PREX2: variants seen among roughly 807,000 people sequenced by gnomAD.
The protein encoded by PREX2 is phosphatidylinositol-3,4,5-trisphosphate dependent Rac exchange factor 2, also known as phosphatidylinositol 3,4,5-trisphosphate-dependent Rac exchanger 2 protein.
In PREX2, 107 loss-of-function variants were observed where a neutral mutation model predicts 203.2. That is an observed-to-expected ratio of 0.53 (90% CI 0.45 to 0.62). The LOEUF (loss-of-function observed/expected upper bound fraction) is 0.62. Among genes scored for constraint, PREX2 ranks in the 20% least tolerant of loss-of-function variants. The pLI, the probability that PREX2 is intolerant of heterozygous loss-of-function variation, is 0.00. For missense variants in PREX2, 1,777 were observed against 1,955.9 expected (o/e 0.91, Z 1.72); for synonymous variants, 672 against 663.6 (o/e 1.01, Z -0.19).
intron 3 of PREX2, among the ~76,000 whole-genome samples, chr8:68,021,286 A>G (rs2129610264): frequency 6.6e-6 from 1 of 152,290 alleles, no homozygotes; most frequent in Middle Eastern, 3.4e-3. Flanking sequence ...GACATCACCT[A>G]AAGATCCTAG....
intron 39 of PREX2, among the ~76,000 whole-genome samples, chr8:68,229,943 G>A (rs1813133735): frequency 6.6e-6 from 1 of 152,178 alleles, no homozygotes; most frequent in Admixed American, 6.5e-5. Flanking sequence ...AGTACATCGG[G>A]TCAATTGAAT....
intron 1 of PREX2, among the ~76,000 whole-genome samples, chr8:67,977,243 A>G (rs1806136689): frequency 1.3e-5 from 2 of 152,192 alleles, no homozygotes. Flanking sequence ...AAATCATCAG[A>G]AGAGGGTCCT....
chr8:68,112,470 T>C (rs567432436), intron 25 of PREX2, among the ~76,000 whole-genome samples: 26 of 152,070 alleles, frequency 1.7e-4, no homozygotes, highest in African/African-American at 6.3e-4. Flanking sequence ...AGACAGTTAG[T>C]AACCCGGGGG....
chr8:67,986,446 A>G (rs547284016), intron 1 of PREX2, among the ~76,000 whole-genome samples: 5 of 152,202 alleles, frequency 3.3e-5, no homozygotes, highest in African/African-American at 4.8e-5. Context: ...CATCCTGTCT[A>G]CAGGCATCCT....
chr8:68,047,469 T>TTATA lies in PREX2; in HGVS notation c.943+2914_943+2917dup, dbSNP rs3056653. ...GTTATAAATAATAAAATGGATGAAT[T>TTATA]TATATATATATATATATATATATAT... On this transcript the variant is annotated intron_variant, in intron 8 of 39. Transcript: ENST00000288368. 1.9e-3 allele frequency among the ~76,000 whole-genome samples: 229 copies of TTATA among 117,566 alleles called. 1 individual carries two copies. Among genetic ancestry groups the TTATA allele is most frequent in the East Asian group, 2.5e-3 (10 of 4,058 alleles). The allele number at this position is 117,566 out of a possible 152,430, so 77.1% of individuals were successfully genotyped here.
Position 68,157,467 on chromosome 8 carries a change from G to A in PREX2, c.4346+31G>A, listed in dbSNP as rs746045017. 1.5e-5 allele frequency: 18 copies of A among 1,163,758 alleles called. No homozygotes were observed. In the Admixed American group the frequency reaches 2.3e-4, roughly 15 times the overall value. 72.1% of individuals were successfully genotyped at this position (1,163,758 alleles called of 1,614,324 possible). On this transcript the variant is annotated intron_variant, in intron 35 of 39. Coordinates refer to ENST00000288368, the MANE Select transcript of PREX2 (RefSeq NM_024870.4). ...TAACAATCCAACTGAAAAATAATGA[G>A]TGTCTATATTTTGATAGAAATGTAT...
Position 68,059,214 on chromosome 8 carries a change from T to C in PREX2, c.1239-1465T>C, listed in dbSNP as rs1312073865. ...TATATAAAAGTTCAAATGTTAGACT[T>C]TTAAAACATGAGCAATATAATATTT... On this transcript the variant is annotated intron_variant, in intron 10 of 39. Transcript: ENST00000288368. Among the ~76,000 whole-genome samples, 16 of 152,236 alleles carry C rather than the reference T, an allele frequency of 1.1e-4. 1 individual carries two copies. The highest frequency in any genetic ancestry group is 1.0e-3 in the Admixed American group (16 of 15,286).
intron 39 of PREX2, among the ~76,000 whole-genome samples, chr8:68,225,703 G>GTGC (rs1230567068): frequency 2.6e-5 from 4 of 152,180 alleles, no homozygotes; most frequent in Non-Finnish European, 4.4e-5. Context: ...CTTATTTTTA[G>GTGC]TGCTGACTCC....
chr8:68,061,570 G>A (rs1450594789), intron 11 of PREX2, among the ~76,000 whole-genome samples: 1 of 152,154 alleles, frequency 6.6e-6, no homozygotes, highest in Non-Finnish European at 1.5e-5. Context: ...GGAGATGCTG[G>A]CAAAGCTACA....
chr8:68,180,523 C>T (rs553228996), intron 35 of PREX2, among the ~76,000 whole-genome samples: 71 of 151,964 alleles, frequency 4.7e-4, no homozygotes, highest in African/African-American at 1.5e-3. Flanking sequence ...ACAAGATGGC[C>T]TGGGAAAAGT....
At chr8:68,150,617 C>T (rs1811414280) in intron 34 of PREX2, among the ~76,000 whole-genome samples, 1 of 152,188 alleles carries the variant, frequency 6.6e-6, no homozygotes, top group Non-Finnish European at 1.5e-5. Context: ...ATAGCCCTAC[C>T]TGCTTCTGAT....
intron 5 of PREX2, among the ~76,000 whole-genome samples, chr8:68,028,249 G>T (rs1807787905): frequency 6.6e-6 from 1 of 151,326 alleles, no homozygotes; most frequent in South Asian, 2.1e-4. Flanking sequence ...ATATATATAG[G>T]ATTATATAAT....
chr8:68,115,255 C>T (rs1381642488), intron 25 of PREX2, among the ~76,000 whole-genome samples: 7 of 151,908 alleles, frequency 4.6e-5, no homozygotes, highest in Non-Finnish European at 7.4e-5. Context: ...CTCGAACTTC[C>T]GACCTTAGGT....
At chr8:68,045,814 T>C (rs966439521) in intron 8 of PREX2, among the ~76,000 whole-genome samples, 1 of 152,134 alleles carries the variant, frequency 6.6e-6, no homozygotes, top group Non-Finnish European at 1.5e-5. Flanking sequence ...TGCTAACATG[T>C]GGGACCTAGT....
At chr8:68,117,410 T>A (rs1397869538) in intron 26 of PREX2, among the ~76,000 whole-genome samples, 1 of 152,242 alleles carries the variant, frequency 6.6e-6, no homozygotes. Flanking sequence ...TTCTAGAGAT[T>A]TAATAATAGA....
chr8:68,213,758 G>A (rs1051960013), intron 37 of PREX2, among the ~76,000 whole-genome samples: 2 of 152,080 alleles, frequency 1.3e-5, no homozygotes, highest in African/African-American at 2.4e-5. Flanking sequence ...AAACATTTCT[G>A]TATAACTTTG....
intron 39 of PREX2, among the ~76,000 whole-genome samples, chr8:68,228,632 G>A (rs1813098896): frequency 6.6e-6 from 1 of 152,030 alleles, no homozygotes; most frequent in Non-Finnish European, 1.5e-5. Context: ...TGGGCATGGT[G>A]GCATGCTCCT....
At chr8:68,123,854 A>G (rs770641827) in intron 30 of PREX2, among the ~76,000 whole-genome samples, 6 of 152,006 alleles carry the variant, frequency 3.9e-5, no homozygotes, top group Non-Finnish European at 8.8e-5. Flanking sequence ...GAGCTGGTAC[A>G]GTTTCTATCA....
At chr8:68,069,986 T>C (rs1216684118) in intron 13 of PREX2, 102 bp downstream of exon 13, 1 of 590,532 alleles carries the variant, frequency 1.7e-6, no homozygotes, top group Admixed American at 2.8e-5. Context: ...ATTTTGTTTT[T>C]TTTCACTTTA....
Sources: allele counts gnomAD v4.1 joint callset (sites outside exome capture counted in the v4.1 genomes callset), GRCh38; gene constraint gnomAD v4.1.1; transcripts MANE v1.5; gene names NCBI Gene and HGNC (gene_info 2026-07-23, HGNC 2026-07-21).